The following C3orf20 variants were observed in gnomAD, a reference collection of about 807,000 sequenced individuals.
C3orf20 encodes the protein family with sequence similarity 149 member C, also known as uncharacterized protein C3orf20.
C3orf20 carries 76 observed loss-of-function variants against 88.3 expected under a neutral mutation model. That is an observed-to-expected ratio of 0.86 (90% CI 0.72 to 1.04). The LOEUF is 1.04. Among genes scored for constraint, C3orf20 ranks in the 50% least tolerant of loss-of-function variants. C3orf20 has a pLI of 0.00. For missense variants in C3orf20, 1,056 were observed against 1,123.3 expected (o/e 0.94, Z 0.86); for synonymous variants, 436 against 437.4 (o/e 1.00, Z 0.04).
At chr3:14,715,237 G>GCCCAT in intron 8 of C3orf20, 52 bp from the exon 9 acceptor site, 1 of 1,592,490 alleles carries the variant, frequency 6.3e-7, no homozygotes, top group Non-Finnish European at 8.6e-7. Context: ...GCGGTGATGA[G>GCCCAT]AGCTTCCTTC....
chr3:14,730,312 C>T (rs934448076), intron 12 of C3orf20, among the ~76,000 whole-genome samples: 4 of 152,152 alleles, frequency 2.6e-5, no homozygotes, highest in Non-Finnish European at 5.9e-5. Flanking sequence ...CTTTGGGAGG[C>T]CGAGGCGGGC....
intron 5 of C3orf20, among the ~76,000 whole-genome samples, chr3:14,697,088 C>T (rs186031568): frequency 2.6e-5 from 4 of 152,210 alleles, no homozygotes; most frequent in Admixed American, 2.6e-4. Flanking sequence ...TCTCTTGCTG[C>T]TTTTAGGATC....
chr3:14,729,696 C>T (rs976392547), intron 12 of C3orf20, among the ~76,000 whole-genome samples: 2 of 152,132 alleles, frequency 1.3e-5, no homozygotes, highest in Non-Finnish European at 2.9e-5. Flanking sequence ...CAGGCATGCA[C>T]CACCACGCCT....
At chr3:14,710,123 A>G (rs2033681741) in intron 7 of C3orf20, among the ~76,000 whole-genome samples, 1 of 150,814 alleles carries the variant, frequency 6.6e-6, no homozygotes, top group Non-Finnish European at 1.5e-5. Context: ...GAATTTGTCC[A>G]TCTACGTTAT....
chr3:14,754,294 G>C (rs1456354133), intron 12 of C3orf20, among the ~76,000 whole-genome samples: 4 of 152,160 alleles, frequency 2.6e-5, no homozygotes. Context: ...TTGCGAGTCA[G>C]ATAAAACAAA....
In C3orf20 at chr3:14,721,749, A is replaced by G; in HGVS notation, c.1531A>G (p.Asn511Asp). The change falls in exon 10 of 17, where the codon AAC (asparagine) becomes GAC (aspartate). Residue 511 changes from asparagine (N) to aspartate (D), a missense_variant. Asn to Asp is a conservative substitution (Grantham distance 23). Coordinates refer to ENST00000253697, the MANE Select transcript of C3orf20 (RefSeq NM_032137.5). ...GACAGTAACACTCACTGTGTCGGCC[A>G]ACAATTGTCCCCATGGAATGGCATA... ...NETVTLTVSA[N>D]NCPHGMAYDK... The G allele has an allele frequency of 6.2e-7, 1 of 1,614,188 alleles. No homozygotes were observed. The highest frequency in any genetic ancestry group is 1.3e-5 in the African/African-American group (1 of 75,050).
At chr3:14,683,817 A>G (rs1435823475) in intron 3 of C3orf20, among the ~76,000 whole-genome samples, 1 of 147,492 alleles carries the variant, frequency 6.8e-6, no homozygotes, top group Non-Finnish European at 1.5e-5. Context: ...TGGAGGTTGC[A>G]GTGAGCCAAG....
intron 7 of C3orf20, among the ~76,000 whole-genome samples, chr3:14,712,641 T>C (rs989250183): frequency 2.6e-5 from 4 of 152,220 alleles, no homozygotes; most frequent in Non-Finnish European, 5.9e-5. Context: ...AATTACTGTT[T>C]TATGCATTTA....
intron 12 of C3orf20, among the ~76,000 whole-genome samples, chr3:14,747,639 T>A (rs2035093992): frequency 6.6e-6 from 1 of 152,150 alleles, no homozygotes; most frequent in South Asian, 2.1e-4. Context: ...GATTTTTCTC[T>A]TCAGTCATCC....
At chr3:14,727,814 G>A (rs1369024187) in intron 11 of C3orf20, among the ~76,000 whole-genome samples, 2 of 152,066 alleles carry the variant, frequency 1.3e-5, no homozygotes, top group Non-Finnish European at 2.9e-5. Context: ...CTTTGTACAT[G>A]TTCTAATTAT....
At chr3:14,715,071 A>C (rs12495591) in intron 8 of C3orf20, among the ~76,000 whole-genome samples, 100,788 of 152,076 alleles carry the variant, frequency 0.66, 33,436 homozygotes, top group South Asian at 0.72. Context: ...TTGGCCTGAG[A>C]CTTCATCATC....
chr3:14,748,828 T>C (rs1282845677), intron 12 of C3orf20, among the ~76,000 whole-genome samples: 4 of 152,212 alleles, frequency 2.6e-5, no homozygotes, highest in Admixed American at 2.6e-4. Flanking sequence ...TATAATGTTT[T>C]CAGTCTTTTT....
intron 3 of C3orf20, 99 bp from the exon 4 acceptor site, chr3:14,684,143 A>C: frequency 1.8e-5 from 26 of 1,472,168 alleles, no homozygotes; most frequent in Non-Finnish European, 2.3e-5. Flanking sequence ...ATAGCGCTCT[A>C]CTCTACCCTT....
chr3:14,706,634 C>T (rs144798177), intron 7 of C3orf20, among the ~76,000 whole-genome samples: 4 of 147,774 alleles, frequency 2.7e-5, no homozygotes, highest in East Asian at 4.1e-4. Flanking sequence ...ATCACATCCT[C>T]GCAATTAATG....
intron 12 of C3orf20, among the ~76,000 whole-genome samples, chr3:14,750,865 C>G (rs1467039861): frequency 6.6e-6 from 1 of 152,090 alleles, no homozygotes; most frequent in Non-Finnish European, 1.5e-5. Context: ...GAGTTTTAGG[C>G]AATTATTTCT....
intron 14 of C3orf20, 97 bp downstream of exon 14, chr3:14,760,095 GAGA>G (rs2035512878): frequency 8.7e-6 from 8 of 916,194 alleles, no homozygotes; most frequent in Admixed American, 3.8e-5. Context: ...GAGGAGAGAG[GAGA>G]AGAAGGGAGG....
intron 14 of C3orf20, 71 bp downstream of exon 14, chr3:14,760,069 A>C: frequency 8.8e-7 from 1 of 1,132,386 alleles, no homozygotes; most frequent in South Asian, 1.2e-5. Context: ...CTGCAGAATC[A>C]CACATGTGGG....
chr3:14,761,339 G>A (rs2035556060), intron 14 of C3orf20, 134 bp from the exon 15 acceptor site: 2 of 1,059,776 alleles, frequency 1.9e-6, no homozygotes, highest in South Asian at 2.9e-5. Context: ...AGCCACCCCA[G>A]GCCTGCCTCA....
At chr3:14,767,962 C>A (rs1218788831) in intron 15 of C3orf20, among the ~76,000 whole-genome samples, 1 of 152,256 alleles carries the variant, frequency 6.6e-6, no homozygotes, top group African/African-American at 2.4e-5. Flanking sequence ...CTGTGAAACG[C>A]AGACCACACT....
Sources: gnomAD v4.1 joint callset for allele counts (sites outside exome capture counted in the v4.1 genomes callset) on GRCh38, gnomAD v4.1.1 for gene constraint, MANE v1.5 for transcripts, NCBI Gene and HGNC (gene_info 2026-07-23, HGNC 2026-07-21) for gene names.